Variants in TXNDC16 observed in about 807,000 individuals in gnomAD.
TXNDC16 encodes thioredoxin domain-containing protein 16.
A neutral mutation model predicts 85.6 loss-of-function variants in TXNDC16; 74 were observed. That is an observed-to-expected ratio of 0.86 (90% CI 0.72 to 1.05). The LOEUF is 1.05. Ranked by LOEUF, TXNDC16 falls within the 50% of genes least tolerant of loss-of-function variation. TXNDC16 has a pLI of 0.00. For missense variants in TXNDC16, 959 were observed against 947.0 expected, an observed-to-expected ratio of 1.01 and a Z score of -0.17; for synonymous variants, 335 against 326.5, an observed-to-expected ratio of 1.03 and a Z score of -0.28.
At chr14:52,546,977 C>T (rs2037953426) in intron 1 of TXNDC16, among the ~76,000 whole-genome samples, 1 of 152,120 alleles carries the variant, frequency 6.6e-6, no homozygotes, top group African/African-American at 2.4e-5. Context: ...GAATGTGTAC[C>T]TATGTTCCCG....
chr14:52,540,238 T>A (rs1180682622), intron 4 of TXNDC16, among the ~76,000 whole-genome samples: 1 of 152,228 alleles, frequency 6.6e-6, no homozygotes. Flanking sequence ...TGCTATCTTC[T>A]GAAAACAATC....
intron 16 of TXNDC16, among the ~76,000 whole-genome samples, 177 bp from the exon 17 acceptor site, chr14:52,457,351 C>T (rs905574297): frequency 3.9e-5 from 6 of 152,126 alleles, no homozygotes; most frequent in African/African-American, 1.2e-4. Context: ...CTCTTTATGA[C>T]ATGGGATTAC....
chr14:52,544,252 T>G lies in TXNDC16; in HGVS notation c.-74+12A>C, dbSNP rs2037895275. ...GATATCCTCCTCTTATCTTCTTTCT[T>G]GGCGTACTTACTTCCATGCTGTCCT... On this transcript the variant is annotated intron_variant, in intron 2 of 20. Transcript: ENST00000281741. 6.6e-6 allele frequency: 1 copy of G among 152,142 alleles called. No homozygotes were observed. The highest frequency in any genetic ancestry group is 1.9e-4 in the East Asian group (1 of 5,206). The allele number at this position is 152,142 out of a possible 1,614,324, so 9.4% of individuals were successfully genotyped here.
intron 9 of TXNDC16, among the ~76,000 whole-genome samples, chr14:52,508,890 C>T (rs2036883911): frequency 6.6e-6 from 1 of 152,100 alleles, no homozygotes; most frequent in African/African-American, 2.4e-5. Context: ...GAACATCACA[C>T]ACCGGGGCCT....
At chr14:52,487,252 C>T (rs532745041) in intron 12 of TXNDC16, among the ~76,000 whole-genome samples, 12 of 152,160 alleles carry the variant, frequency 7.9e-5, no homozygotes, top group Admixed American at 5.9e-4. Flanking sequence ...CAATTCTAAC[C>T]CCTGCATATC....
chr14:52,519,836 A>G (rs1282503978), intron 6 of TXNDC16, among the ~76,000 whole-genome samples: 1 of 152,228 alleles, frequency 6.6e-6, no homozygotes, highest in East Asian at 1.9e-4. Flanking sequence ...TCGTTGCCTC[A>G]GAGAAGTCTT....
At chr14:52,462,887 G>C (rs1003086470) in intron 16 of TXNDC16, 1 of 454,256 alleles carries the variant, frequency 2.2e-6, no homozygotes, top group Admixed American at 2.4e-5. Context: ...CAGTTCTTCA[G>C]AAATTAAGGA....
chr14:52,525,109 C>T (rs1026351814), intron 6 of TXNDC16, among the ~76,000 whole-genome samples: 4 of 151,318 alleles, frequency 2.6e-5, no homozygotes, highest in Non-Finnish European at 5.9e-5. Context: ...GCAACATGAG[C>T]GAAACTAAAA....
intron 16 of TXNDC16, among the ~76,000 whole-genome samples, chr14:52,465,773 G>A (rs945615265): frequency 5.3e-5 from 8 of 152,042 alleles, no homozygotes; most frequent in African/African-American, 1.5e-4. Flanking sequence ...AAAGAGTAAC[G>A]GTCTAAGTAA....
intron 14 of TXNDC16, among the ~76,000 whole-genome samples, chr14:52,478,677 T>G (rs997561695): frequency 6.6e-6 from 1 of 151,424 alleles, no homozygotes; most frequent in Non-Finnish European, 1.5e-5. Context: ...GTAATAAAAT[T>G]ACCAACAAAA....
intron 3 of TXNDC16, among the ~76,000 whole-genome samples, 191 bp from the exon 4 acceptor site, chr14:52,542,644 A>G (rs1382998092): frequency 6.6e-6 from 1 of 152,122 alleles, no homozygotes; most frequent in Non-Finnish European, 1.5e-5. Context: ...TTTTATCATG[A>G]TGTACTTTAA....
At chr14:52,440,531 C>T in intron 19 of TXNDC16, 33 bp downstream of exon 19, 1 of 1,503,746 alleles carries the variant, frequency 6.7e-7, no homozygotes, top group Non-Finnish European at 8.9e-7. Flanking sequence ...CTTTCTTTAC[C>T]TCTTACATAT....
At chr14:52,438,194 A>G (rs2035076862) in intron 20 of TXNDC16, among the ~76,000 whole-genome samples, 1 of 152,252 alleles carries the variant, frequency 6.6e-6, no homozygotes, top group South Asian at 2.1e-4. Flanking sequence ...AATATTCCAT[A>G]AACTTAGTTG....
At chr14:52,531,787 A>G (rs939426354) in intron 6 of TXNDC16, among the ~76,000 whole-genome samples, 13 of 152,218 alleles carry the variant, frequency 8.5e-5, no homozygotes, top group Admixed American at 6.5e-4. Flanking sequence ...TGAAACTTCA[A>G]TGTAAACTAT....
intron 6 of TXNDC16, among the ~76,000 whole-genome samples, chr14:52,535,330 G>A (rs759424340): frequency 1.8e-4 from 28 of 152,074 alleles, no homozygotes; most frequent in African/African-American, 3.6e-4. Context: ...CACTCATTAC[G>A]ATTGGCTCGT....
intron 16 of TXNDC16, among the ~76,000 whole-genome samples, chr14:52,460,277 A>C (rs2035622780): frequency 6.6e-6 from 1 of 152,190 alleles, no homozygotes; most frequent in African/African-American, 2.4e-5. Flanking sequence ...AATCAGAGAA[A>C]ACACAAACAA....
intron 11 of TXNDC16, among the ~76,000 whole-genome samples, chr14:52,489,842 G>A (rs1227125898): frequency 6.6e-6 from 1 of 152,032 alleles, no homozygotes; most frequent in South Asian, 2.1e-4. Flanking sequence ...GTTTTATCTT[G>A]TTTATTTTTT....
chr14:52,519,134 G>C, intron 7 of TXNDC16, 38 bp downstream of exon 7: 1 of 1,588,990 alleles, frequency 6.3e-7, no homozygotes, highest in Non-Finnish European at 8.6e-7. Context: ...CATAAGTACA[G>C]AGGCACAGCA....
chr14:52,469,408 G>A (rs997323331), intron 16 of TXNDC16, among the ~76,000 whole-genome samples: 4 of 151,698 alleles, frequency 2.6e-5, no homozygotes, highest in Non-Finnish European at 5.9e-5. Context: ...CAAATATTAT[G>A]TAGCCATAAT....
Sources: gnomAD v4.1 joint callset for allele counts (sites outside exome capture counted in the v4.1 genomes callset) on GRCh38, gnomAD v4.1.1 for gene constraint, MANE v1.5 for transcripts, NCBI Gene and HGNC (gene_info 2026-07-23, HGNC 2026-07-21) for gene names.